CMSS1: variants seen among roughly 807,000 people sequenced by gnomAD.
The protein encoded by CMSS1 is protein CMSS1.
A neutral mutation model predicts 43.5 loss-of-function variants in CMSS1; 33 were observed. The ratio of observed to expected loss-of-function variants is 0.76; its 90% confidence interval spans 0.57 to 1.01. The LOEUF is 1.01. Ranked by LOEUF, CMSS1 falls within the 50% of genes least tolerant of loss-of-function variation. The probability of loss-of-function intolerance (pLI) is 0.00; values close to 1 mark genes in which losing one functional copy is unlikely to be tolerated. For missense variants in CMSS1, 313 were observed against 326.4 expected (o/e 0.96, Z 0.32); for synonymous variants, 115 against 117.2 (o/e 0.98, Z 0.12).
At chr3:99,966,520 C>G (rs1440063330) in intron 1 of CMSS1, among the ~76,000 whole-genome samples, 1 of 152,124 alleles carries the variant, frequency 6.6e-6, no homozygotes, top group Non-Finnish European at 1.5e-5. Flanking sequence ...AGTACGGAGA[C>G]TTAGACTGAG....
intron 1 of CMSS1, among the ~76,000 whole-genome samples, chr3:99,908,137 G>C (rs1211902912): frequency 6.6e-6 from 1 of 152,182 alleles, no homozygotes; most frequent in Admixed American, 6.5e-5. Flanking sequence ...CAGAATTTCT[G>C]TGCTGTATCA....
intron 1 of CMSS1, among the ~76,000 whole-genome samples, chr3:99,820,168 T>C (rs1942407076): frequency 6.6e-6 from 1 of 152,128 alleles, no homozygotes; most frequent in African/African-American, 2.4e-5. Context: ...ATTGCTCTAC[T>C]TCTTACATTC....
intron 1 of CMSS1, among the ~76,000 whole-genome samples, chr3:99,983,390 A>ATATG (rs1491200362): frequency 0.091 from 1,033 of 11,316 alleles, 57 homozygotes; most frequent in Non-Finnish European, 0.18. Flanking sequence ...AAATAAATAA[A>ATATG]TATATATATA....
At chr3:99,960,325 C>T (rs780870378) in intron 1 of CMSS1, among the ~76,000 whole-genome samples, 2 of 152,020 alleles carry the variant, frequency 1.3e-5, no homozygotes, top group African/African-American at 4.8e-5. Flanking sequence ...ATGAGGAAAA[C>T]GAGGGCTCCA....
At chr3:99,946,559 G>A (rs997653313) in intron 1 of CMSS1, among the ~76,000 whole-genome samples, 17 of 152,114 alleles carry the variant, frequency 1.1e-4, no homozygotes, top group African/African-American at 4.1e-4. Context: ...GAAGGCATTT[G>A]GTCTTACAGA....
At chr3:99,824,844 A>G (rs879345554) in intron 1 of CMSS1, among the ~76,000 whole-genome samples, 21 of 152,252 alleles carry the variant, frequency 1.4e-4, no homozygotes, top group Admixed American at 2.6e-4. Flanking sequence ...TGTCACCTAG[A>G]ATCAATGTGC....
chr3:100,093,963 C>T (rs183708800), intron 1 of CMSS1, among the ~76,000 whole-genome samples: 2 of 152,174 alleles, frequency 1.3e-5, no homozygotes, highest in East Asian at 3.9e-4. Context: ...TTTTCATTTC[C>T]CTGGGATGAA....
At chr3:99,950,059 G>A (rs1326411902) in intron 1 of CMSS1, among the ~76,000 whole-genome samples, 1 of 152,178 alleles carries the variant, frequency 6.6e-6, no homozygotes, top group Non-Finnish European at 1.5e-5. Flanking sequence ...GAGGATTGGG[G>A]ACAAGGTCAT....
chr3:99,848,182 T>TG (rs1471775677), intron 1 of CMSS1: 1 of 1,539,952 alleles, frequency 6.5e-7, no homozygotes, highest in African/African-American at 1.4e-5. Flanking sequence ...AAGTACGAGT[T>TG]CAGTCAGTCT....
At chr3:99,945,919 C>T (rs1419310186) in intron 1 of CMSS1, among the ~76,000 whole-genome samples, 1 of 152,246 alleles carries the variant, frequency 6.6e-6, no homozygotes, top group East Asian at 1.9e-4. Context: ...GCCACACATG[C>T]TTTTGTGTCC....
intron 1 of CMSS1, among the ~76,000 whole-genome samples, chr3:99,970,490 G>A (rs190657612): frequency 6.6e-6 from 1 of 152,190 alleles, no homozygotes; most frequent in Non-Finnish European, 1.5e-5. Flanking sequence ...ATTTGTGTTC[G>A]CTTTCACTCC....
At chr3:99,952,604 T>C (rs897100835) in intron 1 of CMSS1, among the ~76,000 whole-genome samples, 2 of 152,196 alleles carry the variant, frequency 1.3e-5, no homozygotes, top group African/African-American at 2.4e-5. Flanking sequence ...TTGGTTCTTA[T>C]AGGCATAGAT....
intron 1 of CMSS1, among the ~76,000 whole-genome samples, chr3:100,088,318 T>C (rs371520873): frequency 5.9e-5 from 9 of 152,252 alleles, no homozygotes; most frequent in African/African-American, 2.2e-4. Context: ...AATATAGGTT[T>C]TCAGTGTAAC....
chr3:99,830,857 A>G (rs997379144), intron 1 of CMSS1, among the ~76,000 whole-genome samples: 2 of 152,222 alleles, frequency 1.3e-5, no homozygotes, highest in African/African-American at 4.8e-5. Context: ...GATATTTGGC[A>G]ATCACGGTGT....
chr3:99,981,014 GA>G (rs1463606480), intron 1 of CMSS1, among the ~76,000 whole-genome samples: 1 of 152,140 alleles, frequency 6.6e-6, no homozygotes, highest in African/African-American at 2.4e-5. Flanking sequence ...TGAGAATGAA[GA>G]GACAATTGGT....
At chr3:100,118,645 C>T (rs1030527533) in intron 1 of CMSS1, among the ~76,000 whole-genome samples, 5 of 152,164 alleles carry the variant, frequency 3.3e-5, no homozygotes, top group African/African-American at 1.2e-4. Flanking sequence ...AATTCCATCT[C>T]CGTTTAAGCT....
chr3:100,128,503 A>G (rs1354226418), intron 1 of CMSS1, among the ~76,000 whole-genome samples: 1 of 152,244 alleles, frequency 6.6e-6, no homozygotes, highest in Non-Finnish European at 1.5e-5. Flanking sequence ...AGACAAGCCA[A>G]TAGCTAAATG....
At chr3:99,984,127 A>G (rs1421581066) in intron 1 of CMSS1, among the ~76,000 whole-genome samples, 1 of 151,584 alleles carries the variant, frequency 6.6e-6, no homozygotes, top group African/African-American at 2.4e-5. Flanking sequence ...GAAATAATTG[A>G]TCCATAGTTC....
chr3:99,984,143 G>A (rs919766224), intron 1 of CMSS1, among the ~76,000 whole-genome samples: 1 of 151,906 alleles, frequency 6.6e-6, no homozygotes, highest in Non-Finnish European at 1.5e-5. Context: ...AGTTCTGGAA[G>A]TCCATCACAA....
Sources: allele counts gnomAD v4.1 joint callset (sites outside exome capture counted in the v4.1 genomes callset), GRCh38; gene constraint gnomAD v4.1.1; transcripts MANE v1.5; gene names NCBI Gene and HGNC (gene_info 2026-07-23, HGNC 2026-07-21).